Variants in FAM107B observed in about 807,000 individuals in gnomAD.
FAM107B encodes the protein protein FAM107B.
FAM107B carries 21 observed loss-of-function variants against 31.5 expected under a neutral mutation model. The observed-to-expected ratio is 0.67, with a 90% confidence interval of 0.47 to 0.96. FAM107B has a LOEUF of 0.96. Ranked by LOEUF, FAM107B falls within the 40% of genes least tolerant of loss-of-function variation. The pLI is 0.00. For synonymous variants in FAM107B, 157 were observed against 141.5 expected (o/e 1.11, Z -0.78); for missense variants, 452 against 377.1 (o/e 1.20, Z -1.64).
chr10:14,645,941 T>C (rs1296680097), intron 2 of FAM107B, among the ~76,000 whole-genome samples: 3 of 152,198 alleles, frequency 2.0e-5, no homozygotes, highest in African/African-American at 4.8e-5. Flanking sequence ...ATTGGACTAA[T>C]AGTGTTGGAA....
intron 2 of FAM107B, among the ~76,000 whole-genome samples, chr10:14,627,462 A>G (rs1199219328): frequency 1.3e-5 from 2 of 152,236 alleles, no homozygotes; most frequent in African/African-American, 2.4e-5. Flanking sequence ...CTAGACAGGA[A>G]GATAGAATGT....
At chr10:14,536,806 C>T (rs1042380224) in intron 2 of FAM107B, among the ~76,000 whole-genome samples, 12 of 152,140 alleles carry the variant, frequency 7.9e-5, no homozygotes, top group African/African-American at 2.4e-4. Flanking sequence ...GGACAGTCCT[C>T]TGTGGCTTCC....
At chr10:14,709,278 G>A (rs901066779) in intron 1 of FAM107B, among the ~76,000 whole-genome samples, 6 of 152,182 alleles carry the variant, frequency 3.9e-5, no homozygotes, top group African/African-American at 4.8e-5. Flanking sequence ...ACAATGGCTT[G>A]TATTAGTCCA....
chr10:14,738,719 G>A (rs191007517), intron 1 of FAM107B, among the ~76,000 whole-genome samples: 1 of 152,286 alleles, frequency 6.6e-6, no homozygotes, highest in East Asian at 1.9e-4. Flanking sequence ...ATTGGGCCCT[G>A]GCCTCAGGAA....
At chr10:14,712,744 T>A (rs1251495291) in intron 1 of FAM107B, among the ~76,000 whole-genome samples, 1 of 152,154 alleles carries the variant, frequency 6.6e-6, no homozygotes, top group African/African-American at 2.4e-5. Context: ...CATAACATGG[T>A]CAGAGGTTCA....
chr10:14,591,653 G>GCCA (rs1852023208), intron 2 of FAM107B, among the ~76,000 whole-genome samples: 1 of 152,198 alleles, frequency 6.6e-6, no homozygotes, highest in African/African-American at 2.4e-5. Flanking sequence ...AAATGAAAGG[G>GCCA]TCAAGCTGCC....
chr10:14,527,600 C>T (rs1374939736), intron 3 of FAM107B, among the ~76,000 whole-genome samples: 1 of 152,242 alleles, frequency 6.6e-6, no homozygotes, highest in African/African-American at 2.4e-5. Context: ...TTAAACCAGT[C>T]ACCTTGAGAT....
intron 1 of FAM107B, among the ~76,000 whole-genome samples, chr10:14,682,830 T>C (rs1193278973): frequency 1.3e-5 from 2 of 151,914 alleles, no homozygotes; most frequent in Admixed American, 1.3e-4. Flanking sequence ...CTATGGCACA[T>C]GTATACCTAT....
At chr10:14,708,476 A>G (rs1384363782) in intron 1 of FAM107B, among the ~76,000 whole-genome samples, 1 of 152,182 alleles carries the variant, frequency 6.6e-6, no homozygotes, top group Admixed American at 6.5e-5. Context: ...AAGACATGAC[A>G]GGGTATTTCC....
chr10:14,627,740 C>T (rs1853202178), intron 2 of FAM107B, among the ~76,000 whole-genome samples: 1 of 152,052 alleles, frequency 6.6e-6, no homozygotes. Context: ...ACATCTGCAT[C>T]CTCGCCTGGG....
rs911879323 is a variant in FAM107B, at chr10:14,604,787, CTTCTT to C, written c.469+62842_469+62846del. Among the ~76,000 whole-genome samples the C allele has an allele frequency of 3.9e-5, 6 of 152,162 alleles. No homozygotes were observed. The East Asian group carries it at 9.7e-4, about 25-fold the overall frequency. On this transcript the variant is annotated intron_variant, in intron 2 of 4. Coordinates refer to ENST00000181796, the MANE Select transcript of FAM107B (RefSeq NM_031453.4). Reference sequence around the variant, plus strand: ...TGTCTCTCTCACACACACATTCTCTCTTCTTTTATCTCTTTCTCTCTCCCTTAATC... The same window carrying C: ...TGTCTCTCTCACACACACATTCTCTCTTATCTCTTTCTCTCTCCCTTAATC...
At chr10:14,537,951 T>A (rs942838179) in intron 2 of FAM107B, among the ~76,000 whole-genome samples, 1 of 152,004 alleles carries the variant, frequency 6.6e-6, no homozygotes, top group Non-Finnish European at 1.5e-5. Flanking sequence ...AATAAATTAG[T>A]AACAATAATG....
At position 14,518,918 on chromosome 10, in the gene FAM107B, G is replaced by A. The variant is rs1267679504; in HGVS notation, c.*2272C>T. 1 of 152,624 alleles carries A rather than the reference G, an allele frequency of 6.6e-6. No individual in the cohort carries two copies. Among genetic ancestry groups the A allele is most frequent in the African/African-American group, 2.4e-5 (1 of 41,444 alleles). The allele number at this position is 152,624 out of a possible 1,614,324, so 9.5% of individuals were successfully genotyped here. ...CTGCTCAGATGTTCAAGAGTCCTAG[G>A]AGTTTGGGCTGCACAGTATTAAGGG... On this transcript the variant is annotated 3_prime_UTR_variant, in exon 5 of 5. Transcript: ENST00000181796.
At chr10:14,627,890 C>T (rs571576374) in intron 2 of FAM107B, among the ~76,000 whole-genome samples, 3 of 152,066 alleles carry the variant, frequency 2.0e-5, no homozygotes, top group South Asian at 2.1e-4. Context: ...GGTCACAGGA[C>T]GTCATTTGCC....
chr10:14,527,172 T>C (rs1846354462), intron 3 of FAM107B, among the ~76,000 whole-genome samples: 1 of 149,730 alleles, frequency 6.7e-6, no homozygotes, highest in African/African-American at 2.5e-5. Flanking sequence ...CCTTCAATAG[T>C]AATCTTTTAA....
intron 1 of FAM107B, chr10:14,723,618 A>C (rs1855963909): frequency 5.7e-6 from 4 of 700,796 alleles, no homozygotes; most frequent in African/African-American, 1.7e-5. Context: ...TGTGACACAG[A>C]GCAATGATGG....
At chr10:14,522,588 G>A (rs1314024977) in intron 3 of FAM107B, among the ~76,000 whole-genome samples, 1 of 151,902 alleles carries the variant, frequency 6.6e-6, no homozygotes, top group Non-Finnish European at 1.5e-5. Flanking sequence ...GCTAATTTTT[G>A]TATTTTTAGT....
At chr10:14,737,347 T>C (rs1245011878) in intron 1 of FAM107B, among the ~76,000 whole-genome samples, 1 of 151,908 alleles carries the variant, frequency 6.6e-6, no homozygotes, top group African/African-American at 2.4e-5. Context: ...TTAGGCCAGG[T>C]GCAGTGACTC....
chr10:14,565,592 T>G (rs572378619), intron 2 of FAM107B, among the ~76,000 whole-genome samples: 7 of 152,126 alleles, frequency 4.6e-5, no homozygotes, highest in Admixed American at 6.5e-5. Context: ...CATGCAAGAC[T>G]ATAAAGGATG....
Sources: gnomAD v4.1 joint callset for allele counts (sites outside exome capture counted in the v4.1 genomes callset) on GRCh38, gnomAD v4.1.1 for gene constraint, MANE v1.5 for transcripts, NCBI Gene and HGNC (gene_info 2026-07-23, HGNC 2026-07-21) for gene names.